The following PAH variants were observed in gnomAD, a reference collection of about 807,000 sequenced individuals.
The protein encoded by PAH is phenylalanine hydroxylase, also known as phenylalanine-4-hydroxylase.
In PAH, 64 loss-of-function variants were observed where a neutral mutation model predicts 62.0. That is an observed-to-expected ratio of 1.03 (90% confidence interval 0.84 to 1.27). PAH has a LOEUF of 1.27. PAH is among the 50% of genes most tolerant of loss of function. PAH has a pLI of 0.00. For synonymous variants in PAH, 195 were observed against 196.2 expected (o/e 0.99, Z 0.05); for missense variants, 579 against 542.8 (o/e 1.07, Z -0.66).
At chr12:102,949,153 A>G (rs1427619510) in intron 1 of PAH, among the ~76,000 whole-genome samples, 1 of 152,172 alleles carries the variant, frequency 6.6e-6, no homozygotes, top group Admixed American at 6.5e-5. Flanking sequence ...GTCGGCGACA[A>G]TGGTGAGTTT....
chr12:102,886,518 C>T (rs1028856657), intron 3 of PAH, among the ~76,000 whole-genome samples: 11 of 152,116 alleles, frequency 7.2e-5, no homozygotes, highest in Non-Finnish European at 1.3e-4. Context: ...CTAATTCTGT[C>T]TTCTGAGAGC....
chr12:102,854,146 T>C (rs1875302179), intron 6 of PAH, among the ~76,000 whole-genome samples: 2 of 152,182 alleles, frequency 1.3e-5, no homozygotes, highest in African/African-American at 2.4e-5. Context: ...CCTTACTCCC[T>C]TCTTTATCTA....
chr12:102,953,002 T>C (rs1261675413), upstream of PAH, among the ~76,000 whole-genome samples: 1 of 152,182 alleles, frequency 6.6e-6, no homozygotes, highest in African/African-American at 2.4e-5. Context: ...AGGCAGTAGA[T>C]TGTGCAGTAA....
chr12:102,855,223 T>C lies in PAH; in HGVS notation c.619A>G (p.Asn207Asp), dbSNP rs62508572. 1.2e-6 allele frequency: 2 copies of C among 1,614,122 alleles called. No individual in the cohort carries two copies. Among genetic ancestry groups the C allele is most frequent in the East Asian group, 2.2e-5 (1 of 44,876 alleles). ...TTTTCAAGAAGTGGAAAAATGTGAT[T>C]GTACTCATAGCAAGCATGGGTTTTA... ...LYKTHACYEY[N>D]HIFPLLEKYC... is the part of the protein sequence containing the mutation. The change falls in exon 6 of 13, where the codon AAT (asparagine) becomes GAT (aspartate). Residue 207 changes from asparagine (N) to aspartate (D), a missense_variant. Coordinates refer to ENST00000553106, the MANE Select transcript of PAH (RefSeq NM_000277.3).
rs1038311120 is a variant in PAH at position 102,838,800 on chromosome 12, G to C, written c.*375C>G. 4.7e-6 allele frequency: 1 copy of C among 212,008 alleles called. No homozygotes were observed. Among genetic ancestry groups the C allele is most frequent in the African/African-American group, 2.3e-5 (1 of 43,220 alleles). The allele number at this position is 212,008 out of a possible 1,614,324, so 13.1% of individuals were successfully genotyped here. On this transcript the variant is annotated 3_prime_UTR_variant, in exon 13 of 13. Transcript: ENST00000553106. The stretch of plus-strand genomic sequence containing the variant: ...AATTCAATTCTAATGACAGTCTTGT[G>C]TTTTACATTTAGCCTTATATGCTCC...
chr12:102,951,516 A>C (rs1874503945), upstream of PAH, among the ~76,000 whole-genome samples: 1 of 152,198 alleles, frequency 6.6e-6, no homozygotes, highest in African/African-American at 2.4e-5. Context: ...ACTTTGCAAA[A>C]ATAAAAACAG....
intron 1 of PAH, among the ~76,000 whole-genome samples, chr12:102,937,666 C>A (rs1879150968): frequency 6.6e-6 from 1 of 152,028 alleles, no homozygotes; most frequent in Non-Finnish European, 1.5e-5. Context: ...TTTATTTACT[C>A]ATCTTTTCGT....
At chr12:102,843,061 C>T (rs1005742229) in intron 11 of PAH, among the ~76,000 whole-genome samples, 6 of 152,230 alleles carry the variant, frequency 3.9e-5, no homozygotes, top group Middle Eastern at 3.4e-3. Flanking sequence ...AATGCCTTCA[C>T]CAATTATTTA....
intron 1 of PAH, among the ~76,000 whole-genome samples, chr12:102,925,156 GA>G: frequency 6.6e-6 from 1 of 152,154 alleles, no homozygotes; most frequent in East Asian, 1.9e-4. Flanking sequence ...TTTGGCCAAA[GA>G]AATGCAAGGA....
At chr12:102,926,840 T>C (rs1270746813) in intron 1 of PAH, among the ~76,000 whole-genome samples, 5 of 147,988 alleles carry the variant, frequency 3.4e-5, no homozygotes, top group African/African-American at 1.3e-4. Flanking sequence ...GTGGTAGAAA[T>C]ATGACATAAT....
intron 4 of PAH, among the ~76,000 whole-genome samples, chr12:102,870,693 G>C (rs1328003052): frequency 5.9e-5 from 9 of 152,088 alleles, no homozygotes; most frequent in Non-Finnish European, 1.0e-4. Flanking sequence ...GAGGCTTTTT[G>C]CATTTTTCAT....
At chr12:102,955,232 C>A (rs867300125), upstream of PAH, among the ~76,000 whole-genome samples, 1 of 152,158 alleles carries the variant, frequency 6.6e-6, no homozygotes, top group Non-Finnish European at 1.5e-5. Context: ...TCCTCTACTT[C>A]CCTGGTATTG....
chr12:102,928,515 G>A (rs1431396708), intron 1 of PAH, among the ~76,000 whole-genome samples: 1 of 152,088 alleles, frequency 6.6e-6, no homozygotes, highest in Non-Finnish European at 1.5e-5. Context: ...ATGTTTAGTG[G>A]AAGGGGCGTG....
intron 1 of PAH, among the ~76,000 whole-genome samples, chr12:102,947,433 A>C (rs1042709667): frequency 3.3e-5 from 5 of 152,208 alleles, no homozygotes; most frequent in African/African-American, 9.7e-5. Context: ...TGTTGGTCAC[A>C]CCAGTTTCAG....
intron 2 of PAH, among the ~76,000 whole-genome samples, chr12:102,904,443 T>G (rs1042787892): frequency 1.3e-5 from 2 of 152,192 alleles, no homozygotes; most frequent in Admixed American, 1.3e-4. Context: ...TAGGAAATGC[T>G]GAGTGAGATT....
rs1874474468 is a variant in PAH, at chr12:102,839,001, T to A, written c.*174A>T. On this transcript the variant is annotated 3_prime_UTR_variant, in exon 13 of 13. Transcript: ENST00000553106. ...TACCATTATGCTCTTGAGTATGTAC[T>A]CATATCCTGTCATTTCAGATTATTT... is the stretch of plus-strand genomic sequence containing the variant. The A allele has an allele frequency of 3.0e-6, 2 of 656,112 alleles. No homozygotes were observed. The highest frequency in any genetic ancestry group is 4.6e-5 in the Admixed American group (2 of 43,758). The allele number at this position is 656,112 out of a possible 1,614,324, so 40.6% of individuals were successfully genotyped here.
chr12:102,915,945 A>G (rs373750299), intron 1 of PAH, among the ~76,000 whole-genome samples: 1 of 152,134 alleles, frequency 6.6e-6, no homozygotes, highest in African/African-American at 2.4e-5. Context: ...CTCTATAAAG[A>G]ACTTTAAACC....
At chr12:102,885,680 AC>A (rs1877011343) in intron 3 of PAH, among the ~76,000 whole-genome samples, 1 of 151,582 alleles carries the variant, frequency 6.6e-6, no homozygotes, top group African/African-American at 2.4e-5. Context: ...TGAGCAAAAG[AC>A]CCCCCAGGCC....
chr12:102,953,106 C>A (rs922194177), upstream of PAH, among the ~76,000 whole-genome samples: 1 of 152,156 alleles, frequency 6.6e-6, no homozygotes, highest in Non-Finnish European at 1.5e-5. Context: ...TTAATTATAG[C>A]TCCTGGAAGA....
Sources: allele counts gnomAD v4.1 joint callset (sites outside exome capture counted in the v4.1 genomes callset), GRCh38; gene constraint gnomAD v4.1.1; transcripts MANE v1.5; gene names NCBI Gene and HGNC (gene_info 2026-07-23, HGNC 2026-07-21).